C1QTNF3: variants seen among roughly 807,000 people sequenced by gnomAD.
The protein encoded by C1QTNF3 is C1q and TNF related 3.
A neutral mutation model predicts 32.6 loss-of-function variants in C1QTNF3; 26 were observed. The observed-to-expected ratio is 0.80, with a 90% confidence interval of 0.58 to 1.11. C1QTNF3 has a LOEUF of 1.11. Ranked by LOEUF, C1QTNF3 falls within the 50% of genes least tolerant of loss-of-function variation. The probability of loss-of-function intolerance (pLI) is 0.00; values close to 1 mark genes in which losing one functional copy is unlikely to be tolerated. For synonymous variants in C1QTNF3, 155 were observed against 146.0 expected (o/e 1.06, Z -0.44); for missense variants, 362 against 398.2 (o/e 0.91, Z 0.77).
At chr5:34,204,197 C>G in the C1QTNF3 span, among the ~76,000 whole-genome samples, 2 of 152,030 alleles carry the variant, frequency 1.3e-5, no homozygotes, top group Non-Finnish European at 2.9e-5. Context: ...AAAATTCTAC[C>G]CAGCAACTAC....
At chr5:34,030,008 A>G (rs1187996595) in intron 3 of C1QTNF3, among the ~76,000 whole-genome samples, 4 of 152,204 alleles carry the variant, frequency 2.6e-5, no homozygotes, top group African/African-American at 9.6e-5. Context: ...AATTTTTTTT[A>G]ACAGTGAAAA....
the C1QTNF3 span, among the ~76,000 whole-genome samples, chr5:34,120,337 C>T: frequency 6.6e-6 from 1 of 151,568 alleles, no homozygotes; most frequent in Non-Finnish European, 1.5e-5. Flanking sequence ...GTATAGCCAT[C>T]TATAGTCTTG....
At chr5:34,130,344 T>C in the C1QTNF3 span, among the ~76,000 whole-genome samples, 1 of 151,926 alleles carries the variant, frequency 6.6e-6, no homozygotes, top group African/African-American at 2.4e-5. Flanking sequence ...CAATATAGCA[T>C]TATTAAATCC....
At chr5:34,092,673 T>A in the C1QTNF3 span, among the ~76,000 whole-genome samples, 5 of 151,802 alleles carry the variant, frequency 3.3e-5, no homozygotes, top group South Asian at 6.2e-4. Flanking sequence ...AGTTTGTATA[T>A]TTCAGGTATG....
At chr5:34,139,840 G>T in the C1QTNF3 span, among the ~76,000 whole-genome samples, 1 of 152,152 alleles carries the variant, frequency 6.6e-6, no homozygotes, top group African/African-American at 2.4e-5. Context: ...TAAATGAAAA[G>T]AATATGTTTA....
the C1QTNF3 span, among the ~76,000 whole-genome samples, chr5:34,052,331 T>A: frequency 6.6e-6 from 1 of 152,232 alleles, no homozygotes; most frequent in Non-Finnish European, 1.5e-5. Context: ...TTAAAATTTA[T>A]ATTTATCTAT....
At chr5:34,198,068 T>C in the C1QTNF3 span, among the ~76,000 whole-genome samples, 1 of 129,654 alleles carries the variant, frequency 7.7e-6, no homozygotes, top group African/African-American at 3.3e-5. Flanking sequence ...ACCCCGTCTC[T>C]ACTAAAAATA....
the C1QTNF3 span, among the ~76,000 whole-genome samples, chr5:34,084,790 T>G: frequency 2.0e-3 from 141 of 70,356 alleles, no homozygotes; most frequent in South Asian, 2.8e-3. Context: ...GTTTTTCTGG[T>G]TTTTTTTTTG....
the C1QTNF3 span, among the ~76,000 whole-genome samples, chr5:34,195,638 G>A: frequency 2.0e-5 from 3 of 152,214 alleles, no homozygotes; most frequent in Admixed American, 6.5e-5. Flanking sequence ...TCAGGAGATC[G>A]AGATCATCCT....
the C1QTNF3 span, among the ~76,000 whole-genome samples, chr5:34,146,240 G>A: frequency 1.1e-4 from 16 of 152,302 alleles, no homozygotes; most frequent in African/African-American, 3.6e-4. Context: ...CATGCTCATG[G>A]ATAGGAAGAA....
intron 5 of C1QTNF3, among the ~76,000 whole-genome samples, chr5:34,022,755 C>T (rs1303164158): frequency 6.6e-6 from 1 of 152,242 alleles, no homozygotes. Flanking sequence ...AATATTTCCA[C>T]AAGCTTGCAA....
At chr5:34,176,117 T>C in the C1QTNF3 span, among the ~76,000 whole-genome samples, 4 of 151,764 alleles carry the variant, frequency 2.6e-5, no homozygotes, top group African/African-American at 9.7e-5. Context: ...CAGGGAGAAA[T>C]TGGAAATCAT....
chr5:34,030,307 G>A (rs1006623222), intron 3 of C1QTNF3, among the ~76,000 whole-genome samples: 2 of 152,138 alleles, frequency 1.3e-5, no homozygotes, highest in Non-Finnish European at 2.9e-5. Flanking sequence ...TAAAAGATCA[G>A]CAAAGAGAAT....
At chr5:34,042,778 C>G in intron 1 of C1QTNF3, 45 bp downstream of exon 1, 1 of 1,437,764 alleles carries the variant, frequency 7.0e-7, no homozygotes, top group South Asian at 1.3e-5. Context: ...AACAACAACA[C>G]TCATTAAGCT....
the C1QTNF3 span, among the ~76,000 whole-genome samples, chr5:34,102,890 G>C: frequency 5.5e-4 from 84 of 152,338 alleles, no homozygotes; most frequent in African/African-American, 2.0e-3. Flanking sequence ...TAAATGACGG[G>C]TTAATGGGTG....
At chr5:34,241,972 G>C in the C1QTNF3 span, among the ~76,000 whole-genome samples, 2 of 146,684 alleles carry the variant, frequency 1.4e-5, no homozygotes, top group African/African-American at 5.0e-5. Flanking sequence ...AAGGAAGGAA[G>C]GAAGGAAGGA....
chr5:34,102,553 A>T, the C1QTNF3 span, among the ~76,000 whole-genome samples: 3,401 of 149,834 alleles, frequency 0.023, 120 homozygotes, highest in African/African-American at 0.079. Context: ...CTTGATGCGA[A>T]TTTTTTTTTT....
the C1QTNF3 span, among the ~76,000 whole-genome samples, chr5:34,159,592 T>G: frequency 6.6e-6 from 1 of 152,028 alleles, no homozygotes; most frequent in Non-Finnish European, 1.5e-5. Context: ...ATTTCCCAAT[T>G]AAAATCCACT....
At chr5:34,178,167 G>C in the C1QTNF3 span, among the ~76,000 whole-genome samples, 1 of 147,684 alleles carries the variant, frequency 6.8e-6, no homozygotes, top group Non-Finnish European at 1.5e-5. Flanking sequence ...TGTAATCCAA[G>C]CTACTTGGGA....
Sources: gnomAD v4.1 joint callset for allele counts (sites outside exome capture counted in the v4.1 genomes callset) on GRCh38, gnomAD v4.1.1 for gene constraint, MANE v1.5 for transcripts, NCBI Gene and HGNC (gene_info 2026-07-23, HGNC 2026-07-21) for gene names.